NCAPD2: variants seen among roughly 807,000 people sequenced by gnomAD.
The protein encoded by NCAPD2 is non-SMC condensin I complex subunit D2, also known as condensin complex subunit 1.
A neutral mutation model predicts 164.5 loss-of-function variants in NCAPD2; 100 were observed. That is an observed-to-expected ratio of 0.61 (90% CI 0.52 to 0.72). The LOEUF (loss-of-function observed/expected upper bound fraction) is 0.72, where lower values mean the gene tolerates loss of function less well. NCAPD2 is among the 30% of genes least tolerant of loss of function. The probability of loss-of-function intolerance (pLI) is 0.00; values close to 1 mark genes in which losing one functional copy is unlikely to be tolerated. For synonymous variants in NCAPD2, 585 were observed against 642.6 expected, an observed-to-expected ratio of 0.91 and a Z score of 1.36; for missense variants, 1,560 against 1,749.2, an observed-to-expected ratio of 0.89 and a Z score of 1.93.
intron 2 of NCAPD2, among the ~76,000 whole-genome samples, chr12:6,504,504 G>C (rs1177817350): frequency 6.6e-6 from 1 of 151,562 alleles, no homozygotes; most frequent in African/African-American, 2.4e-5. Context: ...GTGATTTTCC[G>C]GCCTTAGCCT....
chr12:6,524,467 C>T (rs1030075469), intron 17 of NCAPD2, among the ~76,000 whole-genome samples: 26 of 151,782 alleles, frequency 1.7e-4, no homozygotes, highest in Admixed American at 5.2e-4. Context: ...GTCAACATGG[C>T]GAAACCCCAC....
chr12:6,518,521 T>TG (rs1946232039), intron 13 of NCAPD2, among the ~76,000 whole-genome samples: 1 of 118,344 alleles, frequency 8.4e-6, no homozygotes, highest in African/African-American at 3.4e-5. Flanking sequence ...TTTTTTTTTT[T>TG]TTTTTTTTTT....
At position 6,513,270 on chromosome 12, in the gene NCAPD2, A is replaced by C. The variant is rs141171693; in HGVS notation, c.588-995A>C. Among the ~76,000 whole-genome samples, 351 of 152,222 alleles carry C rather than the reference A, an allele frequency of 2.3e-3. 4 individuals carry two copies. The highest frequency in any genetic ancestry group is 0.017 in the Middle Eastern group (5 of 294). The stretch of plus-strand genomic sequence containing the variant: ...CATTAAGAGTGAGGATGCCGGGTGC[A>C]TGGCTCACGCCTATAATCCTAGCAC... On this transcript the variant is annotated intron_variant, in intron 6 of 31. Coordinates refer to ENST00000315579, the MANE Select transcript of NCAPD2 (RefSeq NM_014865.4).
At position 6,527,013 on chromosome 12, in the gene NCAPD2, C is replaced by T. The variant is rs775267429; in HGVS notation, c.2857C>T (p.Arg953Ter). 8.1e-6 allele frequency: 13 copies of T among 1,613,858 alleles called. No homozygotes were observed. Among genetic ancestry groups the T allele is most frequent in the South Asian group, 1.1e-5 (1 of 91,072 alleles). The part of the protein sequence containing the change: ...QAVSGELCRR[R>*]VLREEQEHKT... ...AGTGAGTGGAGAGCTCTGCCGGCGC[C>T]GAGTTCTCCGGGAAGAACAGGAGCA... Residue 953 changes from arginine (R) to a stop codon, truncating the protein, a stop_gained, in exon 22 of 32, where the codon CGA (arginine) becomes TGA (stop). Transcript: ENST00000315579. LOFTEE classifies it high-confidence loss of function.
At chr12:6,523,238 C>A (rs201610465) in intron 16 of NCAPD2, 24 bp from the exon 17 acceptor site, 6 of 1,606,086 alleles carry the variant, frequency 3.7e-6, no homozygotes, top group Non-Finnish European at 5.1e-6. Context: ...TTATAGTGAC[C>A]GCTGATCTCT....
At position 6,529,922 on chromosome 12, in the gene NCAPD2, A is replaced by G. The variant is rs1043262; in HGVS notation, c.3801A>G (p.Val1267=). The change falls in exon 29 of 32, where the codon GTA becomes GTG. Residue 1267 remains valine, a synonymous_variant. Transcript: ENST00000315579. The part of the protein sequence containing the change: ...ESIFSAFLSV[V]GKLRRGAKPE... Reference sequence around the variant, plus strand: ...TCTTCAGTGCTTTTTTGTCAGTTGTAGGCAAGCTGCGACGTGGGGCCAAGC... The same window carrying G: ...TCTTCAGTGCTTTTTTGTCAGTTGTGGGCAAGCTGCGACGTGGGGCCAAGC... 0.73 allele frequency: 1,174,097 copies of G among 1,613,992 alleles called. 428,983 individuals are homozygous for G. Among genetic ancestry groups the G allele is most frequent in the African/African-American group, 0.9 (67,701 of 75,042 alleles).
intron 17 of NCAPD2, among the ~76,000 whole-genome samples, chr12:6,524,268 A>AG (rs960236984): frequency 2.6e-5 from 4 of 152,268 alleles, no homozygotes; most frequent in Non-Finnish European, 4.4e-5. Flanking sequence ...CAGAGCAAGG[A>AG]GGGAGGGCAT....
At chr12:6,505,223 T>C (rs776747107) in intron 2 of NCAPD2, among the ~76,000 whole-genome samples, 1 of 152,034 alleles carries the variant, frequency 6.6e-6, no homozygotes, top group African/African-American at 2.4e-5. Flanking sequence ...TGCACCACCA[T>C]GCCTGGCTAA....
chr12:6,526,251 C>T (rs1315417263), intron 19 of NCAPD2, 36 bp from the exon 20 acceptor site: 1 of 1,614,006 alleles, frequency 6.2e-7, no homozygotes, highest in Non-Finnish European at 8.5e-7. Flanking sequence ...TCGTGTCCAC[C>T]CTGTACACAC....
chr12:6,518,504 G>GTTTTTTTTTTTTTGTTTTTT (rs1946227029), intron 13 of NCAPD2, among the ~76,000 whole-genome samples: 1 of 44,774 alleles, frequency 2.2e-5, no homozygotes, highest in African/African-American at 1.0e-4. Flanking sequence ...CCGTCAACAA[G>GTTTTTTTTTTTTTGTTTTTT]TTTTTTTTTT....
chr12:6,513,968 G>C (rs1281984023), intron 6 of NCAPD2, among the ~76,000 whole-genome samples: 1 of 151,938 alleles, frequency 6.6e-6, no homozygotes, highest in Non-Finnish European at 1.5e-5. Flanking sequence ...ACCTGCCTCG[G>C]CCTCCCAAAG....
intron 13 of NCAPD2, among the ~76,000 whole-genome samples, chr12:6,519,599 C>T (rs920090502): frequency 6.6e-6 from 1 of 152,192 alleles, no homozygotes; most frequent in African/African-American, 2.4e-5. Flanking sequence ...TGTAGACAAG[C>T]AGTCAAACAT....
At chr12:6,530,597 C>CTAAA (rs1946361634) in intron 29 of NCAPD2, 94 bp from the exon 30 acceptor site, 2 of 1,513,804 alleles carry the variant, frequency 1.3e-6, no homozygotes, top group African/African-American at 2.8e-5. Flanking sequence ...TAGTAATGTG[C>CTAAA]GTTTAAGGCC....
chr12:6,504,183 A>G (rs1190842846), intron 2 of NCAPD2, among the ~76,000 whole-genome samples: 2 of 13,354 alleles, frequency 1.5e-4, no homozygotes, highest in African/African-American at 1.5e-3. Context: ...ATATATATAC[A>G]TATATATATA....
chr12:6,518,504 G>GTTTTTGTTTTTTTGTTTTT (rs746627585), intron 13 of NCAPD2, among the ~76,000 whole-genome samples: 1 of 44,774 alleles, frequency 2.2e-5, no homozygotes, highest in African/African-American at 1.0e-4. Flanking sequence ...CCGTCAACAA[G>GTTTTTGTTTTTTTGTTTTT]TTTTTTTTTT....
chr12:6,523,043 C>G (rs769021029), intron 16 of NCAPD2, 41 bp downstream of exon 16: 1 of 1,605,436 alleles, frequency 6.2e-7, no homozygotes, highest in South Asian at 1.1e-5. Flanking sequence ...TTTCCAAGGT[C>G]AGCTTCTCAC....
In NCAPD2 at chr12:6,522,914, C is replaced by T. The variant is rs1946277964; in HGVS notation, c.2041C>T (p.Leu681Phe). The T allele has an allele frequency of 2.5e-6, 4 of 1,614,040 alleles. No individual in the cohort carries two copies. Among genetic ancestry groups the T allele is most frequent in the Middle Eastern group, 1.6e-4 (1 of 6,084 alleles). Residue 681 changes from leucine (L) to phenylalanine (F), a missense_variant, in exon 16 of 32, where the codon CTC (leucine) becomes TTC (phenylalanine). Leu to Phe is a conservative substitution (Grantham distance 22). Transcript: ENST00000315579. ...GTTTGGGGTGCGCCGTATGCTGCCT[C>T]TCATCTGGTCTAAGGAGCCTGGTGT... ...ALFGVRRMLP[L>F]IWSKEPGVRE... is the part of the protein sequence containing the mutation.
chr12:6,518,513 T>TTTTTTTG (rs1592173025), intron 13 of NCAPD2, among the ~76,000 whole-genome samples: 1 of 105,296 alleles, frequency 9.5e-6, no homozygotes, highest in Non-Finnish European at 1.9e-5. Context: ...AGTTTTTTTT[T>TTTTTTTG]TTTTTTTTTT....
At chr12:6,513,226 GTA>G (rs1164091947) in intron 6 of NCAPD2, among the ~76,000 whole-genome samples, 4 of 152,140 alleles carry the variant, frequency 2.6e-5, no homozygotes, top group African/African-American at 9.7e-5. Context: ...CCAAGGACTG[GTA>G]CCCTAGGGCA....
Sources: gnomAD v4.1 joint callset for allele counts (sites outside exome capture counted in the v4.1 genomes callset) on GRCh38, gnomAD v4.1.1 for gene constraint, MANE v1.5 for transcripts, NCBI Gene and HGNC (gene_info 2026-07-23, HGNC 2026-07-21) for gene names.